The following CUX1 variants were observed in gnomAD, a reference collection of about 807,000 sequenced individuals.
The protein encoded by CUX1 is cut like homeobox 1, also known as protein CASP.
In CUX1, 31 loss-of-function variants were observed where a neutral mutation model predicts 158.8. The ratio of observed to expected loss-of-function variants is 0.20; its 90% CI spans 0.15 to 0.26. The LOEUF (loss-of-function observed/expected upper bound fraction) is 0.26. CUX1 is among the 10% of genes least tolerant of loss of function. The pLI is 1.00. For synonymous variants in CUX1, 879 were observed against 862.1 expected (o/e 1.02, Z -0.34); for missense variants, 1,589 against 2,014.6 (o/e 0.79, Z 4.04).
At chr7:102,104,191 A>G (rs1425851501) in intron 5 of CUX1, 145 bp from the exon 6 acceptor site, 2 of 715,548 alleles carry the variant, frequency 2.8e-6, no homozygotes, top group Non-Finnish European at 4.6e-6. Flanking sequence ...CTCTGAAGGG[A>G]CTCATAACCA....
intron 2 of CUX1, among the ~76,000 whole-genome samples, chr7:101,975,542 C>T (rs386137): frequency 0.55 from 83,527 of 151,658 alleles, 24,937 homozygotes; most frequent in Non-Finnish European, 0.68. Flanking sequence ...GGTGACAGAA[C>T]GAGACCCCGT....
intron 20 of CUX1, among the ~76,000 whole-genome samples, chr7:102,208,297 G>A (rs1554522262): frequency 1.3e-5 from 2 of 152,182 alleles, no homozygotes; most frequent in Admixed American, 6.5e-5. Context: ...AGGCTGGAGT[G>A]CAGTGGCACA....
intron 2 of CUX1, among the ~76,000 whole-genome samples, chr7:102,004,001 A>C (rs1422916533): frequency 6.6e-6 from 1 of 152,166 alleles, no homozygotes; most frequent in Non-Finnish European, 1.5e-5. Flanking sequence ...TACACGTATA[A>C]ATTTTATAAA....
chr7:101,984,821 G>A (rs115511846), intron 2 of CUX1, among the ~76,000 whole-genome samples: 45 of 152,302 alleles, frequency 3.0e-4, no homozygotes, highest in African/African-American at 1.0e-3. Flanking sequence ...CGAGGGCATG[G>A]CAAACAGTTT....
chr7:102,205,244 TC>T, intron 20 of CUX1, 74 bp downstream of exon 20: 2 of 1,159,264 alleles, frequency 1.7e-6, no homozygotes, highest in Non-Finnish European at 2.6e-6. Flanking sequence ...CTGTGGTCTG[TC>T]CCGGCGAGAC....
chr7:101,861,626 G>T (rs1464496767), intron 1 of CUX1, among the ~76,000 whole-genome samples: 2 of 151,548 alleles, frequency 1.3e-5, no homozygotes, highest in Non-Finnish European at 2.9e-5. Flanking sequence ...GGGGTGGGGT[G>T]GGGTGGAGAA....
intron 20 of CUX1, among the ~76,000 whole-genome samples, chr7:102,220,100 C>G (rs1194677803): frequency 6.6e-6 from 1 of 152,218 alleles, no homozygotes; most frequent in Non-Finnish European, 1.5e-5. Flanking sequence ...TGGGATCACA[C>G]CTGTAATCCC....
intron 2 of CUX1, among the ~76,000 whole-genome samples, chr7:101,937,573 C>T (rs1472334992): frequency 1.3e-5 from 2 of 151,696 alleles, no homozygotes. Flanking sequence ...TGCAGTAGCA[C>T]GATCTTGGCC....
chr7:102,205,753 C>T (rs894412941), intron 20 of CUX1, among the ~76,000 whole-genome samples: 3 of 152,226 alleles, frequency 2.0e-5, no homozygotes, highest in East Asian at 1.9e-4. Flanking sequence ...CTGAGAAACT[C>T]GGGCTCCTTC....
At position 102,070,211 on chromosome 7, in the gene CUX1, G is replaced by A. The variant is rs993294693; in HGVS notation, c.190-128G>A. On this transcript the variant is annotated intron_variant, in intron 3 of 23. Transcript: ENST00000292535. ...GTGTTTGCAGGCATTTCCTCTAAGA[G>A]GCTGAAGCCCAGTTGTCAAGCATCT... is the stretch of plus-strand genomic sequence containing the variant. 1.2e-5 allele frequency: 9 copies of A among 727,750 alleles called. No individual in the cohort carries two copies. The African/African-American group carries it at 1.6e-4, about 13-fold the overall frequency. 45.1% of individuals were successfully genotyped at this position (727,750 alleles called of 1,614,324 possible).
chr7:102,282,468 C>T (rs1466687129), intron 21 of CUX1, among the ~76,000 whole-genome samples: 2 of 152,162 alleles, frequency 1.3e-5, no homozygotes, highest in Non-Finnish European at 2.9e-5. Flanking sequence ...GTTCTGACCC[C>T]AGGGTCCAGC....
chr7:102,247,885 C>T (rs1399809214), intron 23 of CUX1, among the ~76,000 whole-genome samples: 1 of 152,158 alleles, frequency 6.6e-6, no homozygotes, highest in Non-Finnish European at 1.5e-5. Context: ...AATCCCAGCA[C>T]TTTTGGAGGC....
chr7:101,919,015 G>A (rs1199469927), intron 2 of CUX1, among the ~76,000 whole-genome samples: 1 of 152,186 alleles, frequency 6.6e-6, no homozygotes. Context: ...CTGACCTCAG[G>A]TGATCCGCCC....
intron 5 of CUX1, among the ~76,000 whole-genome samples, chr7:102,099,622 G>A (rs1829578587): frequency 6.6e-6 from 1 of 152,006 alleles, no homozygotes; most frequent in Non-Finnish European, 1.5e-5. Flanking sequence ...GCAGTTGCAT[G>A]ATCATAGCTC....
intron 2 of CUX1, among the ~76,000 whole-genome samples, chr7:101,975,178 G>C (rs538064524): frequency 6.6e-6 from 1 of 152,186 alleles, no homozygotes; most frequent in Non-Finnish European, 1.5e-5. Flanking sequence ...TTGAACCCGA[G>C]AGATGGAGGT....
intron 3 of CUX1, among the ~76,000 whole-genome samples, chr7:102,035,380 T>C (rs73715015): frequency 6.6e-6 from 1 of 152,266 alleles, no homozygotes; most frequent in African/African-American, 2.4e-5. Context: ...TATAAGCTAA[T>C]GTAAGTCTTC....
intron 2 of CUX1, among the ~76,000 whole-genome samples, chr7:101,987,449 T>C (rs1030128124): frequency 2.0e-5 from 3 of 152,254 alleles, no homozygotes; most frequent in African/African-American, 4.8e-5. Flanking sequence ...CACTGCTTGC[T>C]TTGAAGTCTG....
intron 1 of CUX1, among the ~76,000 whole-genome samples, chr7:101,831,958 G>A (rs766196028): frequency 6.6e-6 from 1 of 151,982 alleles, no homozygotes; most frequent in Non-Finnish European, 1.5e-5. Flanking sequence ...TGTTGCCCAG[G>A]CTGGTCTTGA....
At chr7:102,192,290 A>G (rs961626208) in intron 12 of CUX1, among the ~76,000 whole-genome samples, 1 of 152,132 alleles carries the variant, frequency 6.6e-6, no homozygotes, top group African/African-American at 2.4e-5. Flanking sequence ...CCAATCCATC[A>G]AGATCCCTCC....
Sources: gnomAD v4.1 joint callset for allele counts (sites outside exome capture counted in the v4.1 genomes callset) on GRCh38, gnomAD v4.1.1 for gene constraint, MANE v1.5 for transcripts, NCBI Gene and HGNC (gene_info 2026-07-23, HGNC 2026-07-21) for gene names.